Variants in MATK observed in about 807,000 individuals in gnomAD.
MATK encodes the protein megakaryocyte-associated tyrosine-protein kinase.
In MATK, 41 loss-of-function variants were observed where a neutral mutation model predicts 59.8. The observed-to-expected ratio is 0.69, with a 90% CI of 0.53 to 0.89. MATK has a LOEUF of 0.89. Ranked by LOEUF, MATK falls within the 40% of genes least tolerant of loss-of-function variation. The pLI is 0.00. For synonymous variants in MATK, 308 were observed against 306.1 expected (o/e 1.01, Z -0.06); for missense variants, 593 against 719.6 (o/e 0.82, Z 2.01).
Position 3,779,803 on chromosome 19 carries a change from G to A in MATK, c.743-6C>T. 1 of 1,570,608 alleles carries A rather than the reference G, an allele frequency of 6.4e-7. No individual in the cohort carries two copies. The highest frequency in any genetic ancestry group is 1.1e-5 in the South Asian group (1 of 90,198). The stretch of plus-strand genomic sequence containing the variant: ...GTACTCACCCTGCAGGACAGCTGGG[G>A]GGTGGGGGTGGGGAACGGGGTGAGA... On this transcript the variant is annotated splice_polypyrimidine_tract_variant and splice_region_variant and intron_variant, in intron 8 of 13. Coordinates refer to ENST00000310132, the MANE Select transcript of MATK (RefSeq NM_139355.3).
At chr19:3,781,764 C>T in intron 7 of MATK, 92 bp from the exon 8 acceptor site, 1 of 979,064 alleles carries the variant, frequency 1.0e-6, no homozygotes, top group Non-Finnish European at 1.6e-6. Flanking sequence ...TGATGTCTCT[C>T]ACAGTGCTGC....
chr19:3,794,166 T>A (rs1318527146), intron 1 of MATK, among the ~76,000 whole-genome samples: 1 of 152,154 alleles, frequency 6.6e-6, no homozygotes, highest in African/African-American at 2.4e-5. Flanking sequence ...CCTTAGTTAC[T>A]CTCTATTGTC....
At chr19:3,791,990 C>A (rs1318288030) in intron 1 of MATK, among the ~76,000 whole-genome samples, 3 of 152,012 alleles carry the variant, frequency 2.0e-5, no homozygotes, top group Admixed American at 2.0e-4. Flanking sequence ...TGCCTATAAT[C>A]CCAAGTACTC....
At chr19:3,799,666 C>A (rs1196978845) in intron 1 of MATK, among the ~76,000 whole-genome samples, 1 of 151,350 alleles carries the variant, frequency 6.6e-6, no homozygotes, top group African/African-American at 2.4e-5. Flanking sequence ...GCAGTGAAAC[C>A]CCATCTCTGC....
chr19:3,778,120 T>C lies in MATK; in HGVS notation c.*63A>G. 4 of 1,508,102 alleles carry C rather than the reference T, an allele frequency of 2.7e-6. No individual in the cohort carries two copies. The South Asian group carries it at 5.1e-5, about 19-fold the overall frequency. The allele number at this position is 1,508,102 out of a possible 1,614,324, so 93.4% of individuals were successfully genotyped here. A position where few individuals can be genotyped will look rare whatever the true frequency, so the allele number is the denominator to read the frequency against. ...CTGGACCCTCCTTGGGCCTGGTCAGTGCCCCCACGCCGCACTCTCCACTCT... is the reference window on the plus strand; with the variant it reads ...CTGGACCCTCCTTGGGCCTGGTCAGCGCCCCCACGCCGCACTCTCCACTCT... On this transcript the variant is annotated 3_prime_UTR_variant, in exon 14 of 14. Coordinates refer to ENST00000310132, the MANE Select transcript of MATK (RefSeq NM_139355.3).
In MATK at chr19:3,781,486, G is replaced by A. The variant is rs139153353; in HGVS notation, c.742+121C>T. 2.6e-3 allele frequency: 2,658 copies of A among 1,025,052 alleles called. 44 individuals carry two copies. The African/African-American group carries it at 0.035, about 13-fold the overall frequency. The allele number at this position is 1,025,052 out of a possible 1,614,324, so 63.5% of individuals were successfully genotyped here. On this transcript the variant is annotated intron_variant, in intron 8 of 13. Coordinates refer to ENST00000310132, the MANE Select transcript of MATK (RefSeq NM_139355.3). ...AAACTGAGGCTCAGAGGATTTGCAC[G>A]TCTTCAGCTGCACAACTAGTAGGTG...
At chr19:3,785,432 T>TTC (rs1555748692) in intron 1 of MATK, 146 bp from the exon 2 acceptor site, 8 of 450,714 alleles carry the variant, frequency 1.8e-5, no homozygotes, top group Admixed American at 3.5e-5. Context: ...GCCTCTCTGA[T>TTC]CCCCCCCCAA....
chr19:3,799,114 C>T (rs2037621100), intron 1 of MATK, among the ~76,000 whole-genome samples: 1 of 151,944 alleles, frequency 6.6e-6, no homozygotes, highest in Non-Finnish European at 1.5e-5. Flanking sequence ...CTTAATAGCC[C>T]ATTTGCACAG....
At chr19:3,782,585 G>A (rs1444786098) in intron 7 of MATK, among the ~76,000 whole-genome samples, 2 of 152,382 alleles carry the variant, frequency 1.3e-5, no homozygotes, top group South Asian at 4.1e-4. Flanking sequence ...GATGTGTGGA[G>A]GAAGGGCTTT....
At chr19:3,778,651 CCT>C in intron 12 of MATK, 56 bp from the exon 13 acceptor site, 3 of 1,543,858 alleles carry the variant, frequency 1.9e-6, no homozygotes, top group South Asian at 1.2e-5. Flanking sequence ...TGCTCCAGCC[CCT>C]GCTTCCTCCA....
Position 3,784,376 on chromosome 19 carries a change from G to A in MATK, c.208C>T (p.Arg70Cys), listed in dbSNP as rs148583959. The stretch of plus-strand genomic sequence containing the variant: ...AGGATGGTGACCACGTCGCCCTTGC[G>A]GAAGGCCAGCTCCCCTGGCTTGGGG... ...TRPKPGELAF[R>C]KGDVVTILEA... The change falls in exon 4 of 14, where the codon CGC becomes TGC. Residue 70 changes from arginine to cysteine, a missense_variant. By Grantham distance (180) the Arg-to-Cys change is radical. Transcript: ENST00000310132. 2.1e-4 allele frequency: 337 copies of A among 1,608,838 alleles called. 1 individual carries two copies. The highest frequency in any genetic ancestry group is 8.3e-4 in the East Asian group (37 of 44,746).
chr19:3,792,179 C>T (rs1199727613), intron 1 of MATK, among the ~76,000 whole-genome samples: 2 of 151,972 alleles, frequency 1.3e-5, no homozygotes, highest in African/African-American at 4.8e-5. Flanking sequence ...CTTGATCACA[C>T]AGCTGGCTGG....
At chr19:3,780,931 G>C (rs146243705) in intron 8 of MATK, among the ~76,000 whole-genome samples, 3 of 149,570 alleles carry the variant, frequency 2.0e-5, no homozygotes, top group Non-Finnish European at 4.4e-5. Context: ...GTCTCGCTAC[G>C]TTGTCCAGGC....
At chr19:3,780,654 G>C (rs1337636405) in intron 8 of MATK, among the ~76,000 whole-genome samples, 1 of 148,020 alleles carries the variant, frequency 6.8e-6, no homozygotes, top group African/African-American at 2.5e-5. Flanking sequence ...GGATGGTCTC[G>C]ATCTCATGAC....
At chr19:3,791,078 A>T (rs1357618146), upstream of MATK, among the ~76,000 whole-genome samples, 1 of 151,950 alleles carries the variant, frequency 6.6e-6, no homozygotes, top group Non-Finnish European at 1.5e-5. Context: ...TTCTTTTTTG[A>T]TTTCTTCCCG....
intron 1 of MATK, among the ~76,000 whole-genome samples, chr19:3,795,726 G>A (rs1241374339): frequency 8.0e-6 from 1 of 125,338 alleles, no homozygotes; most frequent in Non-Finnish European, 1.7e-5. Flanking sequence ...CCTTCTCACA[G>A]TCTTTATTTT....
intron 9 of MATK, 35 bp downstream of exon 9, chr19:3,779,663 C>CG: frequency 6.2e-7 from 1 of 1,610,076 alleles, no homozygotes; most frequent in African/African-American, 1.3e-5. Flanking sequence ...GGACCCCCCC[C>CG]GTCCCACGGT....
In MATK at chr19:3,799,344, G is replaced by A. The variant is rs543344606; in HGVS notation, c.-58+2188C>T. Among the ~76,000 whole-genome samples, 6 of 152,282 alleles carry A rather than the reference G, an allele frequency of 3.9e-5. No homozygotes were observed. In the South Asian group the frequency reaches 1.0e-3, roughly 26 times the overall value. ...GTTAAAGGGCCACGCTGTGACTAGA[G>A]CCCAGAGTCACCCTCACTGCGTGAA... On this transcript the variant is annotated intron_variant, in intron 1 of 13. Coordinates refer to the MATK transcript ENST00000395045.
upstream of MATK, among the ~76,000 whole-genome samples, chr19:3,788,863 T>C (rs1405093748): frequency 6.6e-6 from 1 of 151,956 alleles, no homozygotes; most frequent in African/African-American, 2.4e-5. Context: ...AGCTAATTTT[T>C]GTACTTTTAG....
Sources: allele counts gnomAD v4.1 joint callset (sites outside exome capture counted in the v4.1 genomes callset), GRCh38; gene constraint gnomAD v4.1.1; transcripts MANE v1.5; gene names NCBI Gene and HGNC (gene_info 2026-07-23, HGNC 2026-07-21).